The following COPG2 variants were observed in gnomAD, a reference collection of about 807,000 sequenced individuals.
COPG2 encodes the protein coatomer subunit gamma-2.
A neutral mutation model predicts 46.3 loss-of-function variants in COPG2; 37 were observed. The ratio of observed to expected loss-of-function variants is 0.80; its 90% CI spans 0.61 to 1.05. The LOEUF is 1.05. COPG2 is among the 50% of genes least tolerant of loss of function. The pLI, the probability that COPG2 is intolerant of heterozygous loss-of-function variation, is 0.00. For synonymous variants in COPG2, 159 were observed against 129.7 expected (o/e 1.23, Z -1.53); for missense variants, 427 against 387.8 (o/e 1.10, Z -0.85).
intron 6 of COPG2, among the ~76,000 whole-genome samples, chr7:130,614,607 C>T (rs993870508): frequency 1.3e-5 from 2 of 152,166 alleles, no homozygotes; most frequent in African/African-American, 4.8e-5. Context: ...TGTTAAACAC[C>T]TGACTCAGAC....
At chr7:130,599,114 G>A (rs1018163223) in intron 9 of COPG2, among the ~76,000 whole-genome samples, 22 of 152,250 alleles carry the variant, frequency 1.4e-4, no homozygotes, top group Admixed American at 3.9e-4. Flanking sequence ...TAAATCAGCA[G>A]GAAGCAGATA....
At chr7:130,652,149 T>C (rs1238225448) in intron 5 of COPG2, among the ~76,000 whole-genome samples, 10 of 152,252 alleles carry the variant, frequency 6.6e-5, no homozygotes, top group Non-Finnish European at 1.3e-4. Flanking sequence ...TTTTTTCTAC[T>C]GTAAATGGTG....
intron 20 of COPG2, among the ~76,000 whole-genome samples, chr7:130,533,886 C>T (rs1039967157): frequency 7.0e-6 from 1 of 142,026 alleles, no homozygotes; most frequent in Admixed American, 7.7e-5. Flanking sequence ...TCAGAAGGCA[C>T]TATGTGGGTC....
chr7:130,588,879 G>A (rs1393871707), intron 9 of COPG2, among the ~76,000 whole-genome samples: 2 of 151,980 alleles, frequency 1.3e-5, no homozygotes, highest in South Asian at 2.1e-4. Context: ...GCTCCCTAAA[G>A]ATAATGACTA....
rs781862339 is a variant in COPG2 at position 130,506,753 on chromosome 7, C to T, written c.2539G>A (p.Asp847Asn). The change falls in exon 24 of 24, where the codon GAT becomes AAT. Residue 847 changes from aspartate to asparagine, a missense_variant. Transcript: ENST00000425248. ...ACAGTCACCTGCATGGTCACTCCAT[C>T]GGCTAAGGCCAGCCTGGACCTCACC... Reference protein sequence around the residue: ...LLVRSRLALADGVTMQVTVRS... With the variant: ...LLVRSRLALANGVTMQVTVRS... The T allele has an allele frequency of 2.1e-5, 16 of 780,462 alleles. No individual in the cohort carries two copies. Among genetic ancestry groups the T allele is most frequent in the African/African-American group, 1.2e-4 (7 of 59,140 alleles). The allele number at this position is 780,462 out of a possible 1,614,324, so 48.3% of individuals were successfully genotyped here. A position where few individuals can be genotyped will look rare whatever the true frequency, so the allele number is the denominator to read the frequency against.
At chr7:130,667,618 C>A in intron 1 of COPG2, 84 bp from the exon 2 acceptor site, 2 of 1,077,656 alleles carry the variant, frequency 1.9e-6, no homozygotes, top group Middle Eastern at 2.0e-4. Flanking sequence ...GTACTGAATG[C>A]TTGGGAAGTG....
At chr7:130,663,125 T>C in intron 3 of COPG2, 87 bp from the exon 4 acceptor site, 3 of 689,514 alleles carry the variant, frequency 4.4e-6, no homozygotes, top group Non-Finnish European at 6.9e-6. Flanking sequence ...TTTCTATTTC[T>C]GCAAAAATCC....
At chr7:130,653,410 C>T (rs1795788668) in intron 4 of COPG2, among the ~76,000 whole-genome samples, 1 of 152,236 alleles carries the variant, frequency 6.6e-6, no homozygotes, top group Non-Finnish European at 1.5e-5. Flanking sequence ...CTCACCACCA[C>T]ACCTGGCTAA....
intron 20 of COPG2, among the ~76,000 whole-genome samples, chr7:130,513,339 ATATGTGTGTGTGTGTGTGTG>A (rs1563034109): frequency 6.5e-5 from 4 of 61,318 alleles, no homozygotes; most frequent in Non-Finnish European, 1.2e-4. Context: ...ATATATATAT[ATATGTGTGTGTGTGTGTGTG>A]TATATATATA....
chr7:130,566,295 G>C (rs894035267), intron 9 of COPG2, among the ~76,000 whole-genome samples: 1 of 152,088 alleles, frequency 6.6e-6, no homozygotes. Context: ...AGTCAGAATA[G>C]CTATTATTAA....
intron 9 of COPG2, among the ~76,000 whole-genome samples, chr7:130,572,198 T>C (rs1441529923): frequency 6.6e-6 from 1 of 152,052 alleles, no homozygotes; most frequent in Non-Finnish European, 1.5e-5. Context: ...CTGAAGAACT[T>C]ATCCATGTAA....
At chr7:130,550,367 C>T (rs1793517923) in intron 17 of COPG2, among the ~76,000 whole-genome samples, 157 bp downstream of exon 17, 1 of 134,526 alleles carries the variant, frequency 7.4e-6, no homozygotes, top group Non-Finnish European at 1.5e-5. Flanking sequence ...CTAGAGATCG[C>T]GCCACTGTGC....
intron 20 of COPG2, among the ~76,000 whole-genome samples, chr7:130,534,857 T>C (rs1370312028): frequency 1.3e-5 from 2 of 151,408 alleles, no homozygotes; most frequent in Non-Finnish European, 2.9e-5. Flanking sequence ...ATGGAAATAA[T>C]GGAGATGAAG....
At chr7:130,600,952 T>C (rs537547467) in intron 9 of COPG2, among the ~76,000 whole-genome samples, 1 of 152,346 alleles carries the variant, frequency 6.6e-6, no homozygotes, top group African/African-American at 2.4e-5. Context: ...CCTGTCACTT[T>C]TGAGATTCGG....
chr7:130,587,311 A>C (rs1794296478), intron 9 of COPG2, among the ~76,000 whole-genome samples: 1 of 151,928 alleles, frequency 6.6e-6, no homozygotes, highest in Non-Finnish European at 1.5e-5. Context: ...CATCTCAAAA[A>C]AAAGAAAAGA....
intron 9 of COPG2, among the ~76,000 whole-genome samples, chr7:130,582,900 G>T (rs1345857396): frequency 6.6e-6 from 1 of 151,922 alleles, no homozygotes; most frequent in African/African-American, 2.4e-5. Context: ...ACGTTGGTGG[G>T]ACTGTAAACT....
At chr7:130,513,505 A>C (rs1432986953) in intron 20 of COPG2, among the ~76,000 whole-genome samples, 5 of 150,784 alleles carry the variant, frequency 3.3e-5, no homozygotes, top group Non-Finnish European at 7.4e-5. Context: ...GAGAGATGTG[A>C]GTTAAGCTGG....
intron 5 of COPG2, among the ~76,000 whole-genome samples, chr7:130,647,503 T>C (rs1482399325): frequency 2.0e-4 from 30 of 152,264 alleles, no homozygotes; most frequent in Non-Finnish European, 8.8e-5. Context: ...TTTCCTTGAG[T>C]AAATACCTAG....
At chr7:130,597,467 G>C (rs782273611) in intron 9 of COPG2, among the ~76,000 whole-genome samples, 2 of 152,194 alleles carry the variant, frequency 1.3e-5, no homozygotes, top group Non-Finnish European at 2.9e-5. Context: ...TTGTACCCCT[G>C]AGGAAAAGCA....
Sources: gnomAD v4.1 joint callset for allele counts (sites outside exome capture counted in the v4.1 genomes callset) on GRCh38, gnomAD v4.1.1 for gene constraint, MANE v1.5 for transcripts, NCBI Gene and HGNC (gene_info 2026-07-23, HGNC 2026-07-21) for gene names.